C1GALT1: variants seen among roughly 807,000 people sequenced by gnomAD.
C1GALT1 encodes the protein core 1 synthase, glycoprotein-N-acetylgalactosamine 3-beta-galactosyltransferase 1.
In C1GALT1, 11 loss-of-function variants were observed where a neutral mutation model predicts 31.0. That is an observed-to-expected ratio of 0.36 (90% CI 0.22 to 0.59). The LOEUF (loss-of-function observed/expected upper bound fraction) is 0.59, where lower values mean the gene tolerates loss of function less well. C1GALT1 is among the 20% of genes least tolerant of loss of function. The probability of loss-of-function intolerance (pLI) is 0.79; values close to 1 mark genes in which losing one functional copy is unlikely to be tolerated. For synonymous variants in C1GALT1, 175 were observed against 143.6 expected (o/e 1.22, Z -1.56); for missense variants, 424 against 425.2 (o/e 1.00, Z 0.03).
intron 1 of C1GALT1, chr7:7,209,322 T>G (rs1016375584): frequency 6.6e-6 from 1 of 152,270 alleles, no homozygotes; most frequent in Non-Finnish European, 1.5e-5. Context: ...CTGGTTTTTT[T>G]GGACAGCATT....
At chr7:7,227,486 C>A (rs534575765) in intron 1 of C1GALT1, among the ~76,000 whole-genome samples, 2 of 151,964 alleles carry the variant, frequency 1.3e-5, no homozygotes, top group African/African-American at 2.4e-5. Context: ...TTTGGGAGGC[C>A]GAGGCGGGCG....
chr7:7,225,144 C>G (rs1469224446), intron 1 of C1GALT1, among the ~76,000 whole-genome samples: 2 of 152,064 alleles, frequency 1.3e-5, no homozygotes, highest in African/African-American at 4.8e-5. Context: ...TTCCTTCTTG[C>G]TTTGGGTTTA....
upstream of C1GALT1, among the ~76,000 whole-genome samples, chr7:7,182,310 T>C (rs972972560): frequency 6.6e-6 from 1 of 152,186 alleles, no homozygotes; most frequent in African/African-American, 2.4e-5. Flanking sequence ...TTGAAGCTAG[T>C]GCATAACCTT....
intron 1 of C1GALT1, among the ~76,000 whole-genome samples, chr7:7,213,706 AC>A (rs1367183452): frequency 2.0e-5 from 3 of 152,176 alleles, no homozygotes; most frequent in Non-Finnish European, 2.9e-5. Context: ...ATTAATGTTA[AC>A]CCCAATTAGT....
At chr7:7,205,363 T>A (rs1206970061) in intron 1 of C1GALT1, among the ~76,000 whole-genome samples, 1 of 152,230 alleles carries the variant, frequency 6.6e-6, no homozygotes, top group Non-Finnish European at 1.5e-5. Context: ...ATTTTATATA[T>A]GTATTATTTA....
intron 1 of C1GALT1, among the ~76,000 whole-genome samples, chr7:7,217,942 C>G (rs1782321742): frequency 6.6e-6 from 1 of 152,136 alleles, no homozygotes; most frequent in East Asian, 1.9e-4. Flanking sequence ...ATGGCTCTTG[C>G]AAGCTGAGCG....
chr7:7,178,837 A>G (rs1780536804), upstream of C1GALT1, among the ~76,000 whole-genome samples: 1 of 152,242 alleles, frequency 6.6e-6, no homozygotes, highest in Non-Finnish European at 1.5e-5. Context: ...GTTGTATAAC[A>G]AACTATCCCA....
At chr7:7,170,223 T>G (rs1460798401) in intron 2 of C1GALT1, among the ~76,000 whole-genome samples, 1 of 152,232 alleles carries the variant, frequency 6.6e-6, no homozygotes, top group African/African-American at 2.4e-5. Flanking sequence ...GATTACTTTT[T>G]TTACAGAGCC....
At chr7:7,188,333 T>G (rs78799845) in intron 1 of C1GALT1, among the ~76,000 whole-genome samples, 2 of 152,174 alleles carry the variant, frequency 1.3e-5, no homozygotes, top group Non-Finnish European at 2.9e-5. Flanking sequence ...TGAGTCACTT[T>G]GGAGGTGTTG....
chr7:7,208,559 A>G (rs192232675), intron 1 of C1GALT1, among the ~76,000 whole-genome samples: 1 of 152,196 alleles, frequency 6.6e-6, no homozygotes, highest in Non-Finnish European at 1.5e-5. Flanking sequence ...GAAAAGGACA[A>G]AAATGAAGAG....
intron 2 of C1GALT1, among the ~76,000 whole-genome samples, chr7:7,159,668 C>T (rs1011715359): frequency 1.3e-5 from 2 of 152,050 alleles, no homozygotes; most frequent in East Asian, 3.9e-4. Flanking sequence ...ATAGTAATGC[C>T]TTTGGAAAGT....
At chr7:7,187,417 TTTC>T (rs1780868000) in intron 1 of C1GALT1, among the ~76,000 whole-genome samples, 1 of 145,436 alleles carries the variant, frequency 6.9e-6, no homozygotes, top group South Asian at 2.1e-4. Context: ...GCCCAGCTAA[TTTC>T]TTTTTTTTTT....
chr7:7,177,755 T>C (rs550960214), upstream of C1GALT1, among the ~76,000 whole-genome samples: 6 of 152,228 alleles, frequency 3.9e-5, no homozygotes, highest in Non-Finnish European at 8.8e-5. Flanking sequence ...TCATGTAAAA[T>C]ACTTAATGCT....
rs530139978 is a variant in C1GALT1 at position 7,220,722 on chromosome 7, A to G, written c.-17-13581A>G. 6.5e-4 allele frequency among the ~76,000 whole-genome samples: 99 copies of G among 152,150 alleles called. 1 individual carries two copies. The South Asian group carries it at 0.02, about 31-fold the overall frequency. On this transcript the variant is annotated intron_variant, in intron 1 of 3. Coordinates refer to ENST00000436587, the MANE Select transcript of C1GALT1 (RefSeq NM_020156.5). ...TTTTTAGTAGAGATGGGGTTTCACC[A>G]TGTTGGCCAGGATGGTCTTGATCTC...
At chr7:7,206,244 CAAT>C (rs1264801043) in intron 1 of C1GALT1, among the ~76,000 whole-genome samples, 1 of 151,922 alleles carries the variant, frequency 6.6e-6, no homozygotes, top group East Asian at 1.9e-4. Context: ...TCCAAAGTTA[CAAT>C]AATACTAGAA....
chr7:7,190,445 T>C (rs1291813303), intron 1 of C1GALT1, among the ~76,000 whole-genome samples: 1 of 152,156 alleles, frequency 6.6e-6, no homozygotes, highest in African/African-American at 2.4e-5. Flanking sequence ...CCATTCTCAC[T>C]TTATAAAATT....
Position 7,238,984 on chromosome 7 carries a change from A to T in C1GALT1, c.888+62A>T. The T allele has an allele frequency of 5.3e-6, 7 of 1,321,064 alleles. No individual in the cohort carries two copies. The highest frequency in any genetic ancestry group is 7.3e-6 in the Non-Finnish European group (7 of 954,426). The allele number at this position is 1,321,064 out of a possible 1,614,324, so 81.8% of individuals were successfully genotyped here. A position where few individuals can be genotyped will look rare whatever the true frequency, so the allele number is the denominator to read the frequency against. On this transcript the variant is annotated intron_variant, in intron 3 of 3. Coordinates refer to ENST00000436587, the MANE Select transcript of C1GALT1 (RefSeq NM_020156.5). The surrounding 1 kb of genome is among the most constrained non-coding windows in gnomAD (Gnocchi z 5.2). ...GACTGACTGAATTTTGTTGATAAAA[A>T]CATGTTAATATGTGTATGTTTCTTT... is the stretch of plus-strand genomic sequence containing the variant.
intron 2 of C1GALT1, among the ~76,000 whole-genome samples, chr7:7,237,972 G>A (rs1214667016): frequency 1.3e-5 from 2 of 152,166 alleles, no homozygotes; most frequent in Admixed American, 1.3e-4. Flanking sequence ...CAGGCTCCCA[G>A]GTGATGCTGC....
At chr7:7,165,964 C>A (rs968540008) in intron 2 of C1GALT1, among the ~76,000 whole-genome samples, 3 of 152,078 alleles carry the variant, frequency 2.0e-5, no homozygotes, top group African/African-American at 7.2e-5. Context: ...GGGTCCCATC[C>A]CAGAGATATT....
Sources: gnomAD v4.1 joint callset for allele counts (sites outside exome capture counted in the v4.1 genomes callset) on GRCh38, gnomAD v4.1.1 for gene constraint, Gnocchi (gnomAD v3.1) non-coding constraint, MANE v1.5 for transcripts, NCBI Gene and HGNC (gene_info 2026-07-23, HGNC 2026-07-21) for gene names.